The following NPAS3 variants were observed in gnomAD, a reference collection of about 807,000 sequenced individuals.
NPAS3 encodes neuronal PAS domain-containing protein 3.
A neutral mutation model predicts 73.1 loss-of-function variants in NPAS3; 14 were observed. The observed-to-expected ratio is 0.19, with a 90% CI of 0.13 to 0.30. The LOEUF (loss-of-function observed/expected upper bound fraction) is 0.30. Among genes scored for constraint, NPAS3 ranks in the 10% least tolerant of loss-of-function variants. The pLI is 1.00. For missense variants in NPAS3, 1,096 were observed against 1,250.0 expected (o/e 0.88, Z 1.86); for synonymous variants, 620 against 541.5 (o/e 1.14, Z -2.01).
intron 2 of NPAS3, among the ~76,000 whole-genome samples, chr14:33,190,752 T>A (rs1566657332): frequency 1.3e-5 from 2 of 152,168 alleles, no homozygotes; most frequent in Non-Finnish European, 2.9e-5. Flanking sequence ...AGGATGTTGT[T>A]TTGGCGCTCC....
rs527503026 is a variant in NPAS3 at position 33,258,268 on chromosome 14, A to G, written c.385+42842A>G. On this transcript the variant is annotated intron_variant, in intron 3 of 11. Coordinates refer to ENST00000356141, the Ensembl canonical transcript of NPAS3. ...GAAAATTAGCCCAGTGTGTTGGCAC[A>G]CACCTGTAGTCCCAGCTACTTGGGA... is the stretch of plus-strand genomic sequence containing the variant. Among the ~76,000 whole-genome samples the G allele has an allele frequency of 2.6e-5, 4 of 152,240 alleles. No individual in the cohort carries two copies. In the South Asian group the frequency reaches 8.3e-4, roughly 32 times the overall value.
chr14:33,584,542 C>A (rs1267569731), intron 5 of NPAS3, among the ~76,000 whole-genome samples: 1 of 152,078 alleles, frequency 6.6e-6, no homozygotes, highest in African/African-American at 2.4e-5. Flanking sequence ...TAATTCCATT[C>A]TTTTAATATT....
chr14:33,535,450 T>C (rs1397966036), intron 4 of NPAS3, among the ~76,000 whole-genome samples: 1 of 152,142 alleles, frequency 6.6e-6, no homozygotes, highest in African/African-American at 2.4e-5. Context: ...GTCTATAGAG[T>C]AGAATCATGT....
intron 4 of NPAS3, among the ~76,000 whole-genome samples, chr14:33,496,161 C>A (rs888972883): frequency 6.6e-6 from 1 of 152,084 alleles, no homozygotes; most frequent in African/African-American, 2.4e-5. Flanking sequence ...GAAATCGAAT[C>A]CCTGAATAGA....
chr14:33,475,527 G>A (rs1477963114), intron 4 of NPAS3, among the ~76,000 whole-genome samples: 2 of 145,652 alleles, frequency 1.4e-5, no homozygotes, highest in African/African-American at 5.2e-5. Context: ...AAATTTCCAT[G>A]GAGCTAGGAA....
At chr14:33,765,606 T>A (rs1348305813) in intron 7 of NPAS3, among the ~76,000 whole-genome samples, 1 of 152,184 alleles carries the variant, frequency 6.6e-6, no homozygotes, top group Non-Finnish European at 1.5e-5. Flanking sequence ...GCACTGATCC[T>A]CCATTTTCAA....
At chr14:33,569,149 C>T (rs914963649) in intron 5 of NPAS3, among the ~76,000 whole-genome samples, 5 of 152,184 alleles carry the variant, frequency 3.3e-5, no homozygotes, top group South Asian at 2.1e-4. Context: ...TTCCTCTGGG[C>T]GTCTCCTCCT....
chr14:33,130,858 A>C (rs980112217), intron 2 of NPAS3, among the ~76,000 whole-genome samples: 1 of 152,174 alleles, frequency 6.6e-6, no homozygotes, highest in Non-Finnish European at 1.5e-5. Flanking sequence ...TCTCTTCCTG[A>C]AATTCCTATA....
chr14:33,707,987 A>G (rs1362498575), intron 6 of NPAS3, among the ~76,000 whole-genome samples: 2 of 152,218 alleles, frequency 1.3e-5, no homozygotes, highest in East Asian at 3.9e-4. Context: ...GAAGAAAGCC[A>G]CAGTAGAAAT....
intron 4 of NPAS3, among the ~76,000 whole-genome samples, chr14:33,488,027 G>T (rs944588595): frequency 6.6e-6 from 1 of 152,098 alleles, no homozygotes; most frequent in African/African-American, 2.4e-5. Flanking sequence ...CTGTAAGGTG[G>T]TACAGGAGTT....
At chr14:33,518,407 G>A (rs1262851012) in intron 4 of NPAS3, among the ~76,000 whole-genome samples, 1 of 152,028 alleles carries the variant, frequency 6.6e-6, no homozygotes, top group East Asian at 1.9e-4. Context: ...GCTTGTGTAA[G>A]TGTGCATCAA....
intron 4 of NPAS3, among the ~76,000 whole-genome samples, chr14:33,547,568 C>T (rs1391320961): frequency 2.0e-5 from 3 of 152,206 alleles, no homozygotes; most frequent in Non-Finnish European, 4.4e-5. Flanking sequence ...GGTCCACGCT[C>T]TCCCTGCAGC....
At chr14:33,694,888 CT>C (rs1219150348) in intron 6 of NPAS3, among the ~76,000 whole-genome samples, 2 of 152,154 alleles carry the variant, frequency 1.3e-5, no homozygotes, top group Non-Finnish European at 2.9e-5. Context: ...TCTGTGTCTG[CT>C]TTTTTGGTAG....
At chr14:33,707,339 CTTTT>C (rs60633048) in intron 6 of NPAS3, among the ~76,000 whole-genome samples, 1 of 95,208 alleles carries the variant, frequency 1.1e-5, no homozygotes, top group African/African-American at 3.1e-5. Context: ...TCTTTTTCTT[CTTTT>C]TTTTTTTCAA....
intron 7 of NPAS3, among the ~76,000 whole-genome samples, chr14:33,749,712 T>A (rs1274791444): frequency 6.6e-6 from 1 of 152,098 alleles, no homozygotes; most frequent in African/African-American, 2.4e-5. Context: ...TGGCACTGCG[T>A]AGCACCTCCA....
chr14:33,801,128 C>T (rs911626862), downstream of NPAS3: 1 of 1,556,602 alleles, frequency 6.4e-7, no homozygotes, highest in East Asian at 2.4e-5. Context: ...CCGTCCTGGG[C>T]CCGGCCAGGC....
At chr14:33,070,263 C>T (rs1040935187) in intron 2 of NPAS3, among the ~76,000 whole-genome samples, 1 of 151,918 alleles carries the variant, frequency 6.6e-6, no homozygotes, top group African/African-American at 2.4e-5. Context: ...ATTTTGCTAC[C>T]TAATATCTCC....
chr14:33,054,764 C>T (rs2040825840), intron 1 of NPAS3, among the ~76,000 whole-genome samples: 1 of 151,982 alleles, frequency 6.6e-6, no homozygotes, highest in African/African-American at 2.4e-5. Flanking sequence ...AGGCGCCGAC[C>T]ACCACGCCCG....
At chr14:33,755,977 G>A (rs9322927) in intron 7 of NPAS3, among the ~76,000 whole-genome samples, 8,692 of 152,124 alleles carry the variant, frequency 0.057, 807 homozygotes, top group African/African-American at 0.2. Flanking sequence ...ACCCCTGAGG[G>A]AGACCATTCA....
Sources: allele counts gnomAD v4.1 joint callset (sites outside exome capture counted in the v4.1 genomes callset), GRCh38; gene constraint gnomAD v4.1.1; transcripts MANE v1.5; gene names NCBI Gene and HGNC (gene_info 2026-07-23, HGNC 2026-07-21).